EBF2: variants seen among roughly 807,000 people sequenced by gnomAD.
EBF2 encodes the protein transcription factor COE2.
A neutral mutation model predicts 72.8 loss-of-function variants in EBF2; 21 were observed. The ratio of observed to expected loss-of-function variants is 0.29; its 90% CI spans 0.20 to 0.42. The LOEUF (loss-of-function observed/expected upper bound fraction) is 0.42. Among genes scored for constraint, EBF2 ranks in the 10% least tolerant of loss-of-function variants. The pLI is 1.00. For synonymous variants in EBF2, 299 were observed against 274.2 expected, an observed-to-expected ratio of 1.09 and a Z score of -0.89; for missense variants, 637 against 731.2, an observed-to-expected ratio of 0.87 and a Z score of 1.49.
At chr8:25,991,265 C>T (rs559546663) in intron 6 of EBF2, among the ~76,000 whole-genome samples, 2 of 152,128 alleles carry the variant, frequency 1.3e-5, no homozygotes, top group East Asian at 1.9e-4. Flanking sequence ...AATGAAGGCA[C>T]GTAGGTGGGG....
At chr8:25,937,630 CT>C (rs1350444518) in intron 6 of EBF2, among the ~76,000 whole-genome samples, 2 of 152,116 alleles carry the variant, frequency 1.3e-5, no homozygotes, top group Non-Finnish European at 2.9e-5. Flanking sequence ...GCAAACAGAT[CT>C]TCCTATTTGT....
At chr8:26,018,114 T>G (rs967849529) in intron 6 of EBF2, among the ~76,000 whole-genome samples, 4 of 93,654 alleles carry the variant, frequency 4.3e-5, no homozygotes, top group East Asian at 2.1e-4. Context: ...TTGGAAAAGT[T>G]TTTTTTTTTT....
intron 6 of EBF2, among the ~76,000 whole-genome samples, chr8:26,016,717 C>G (rs910018502): frequency 3.9e-5 from 6 of 152,116 alleles, no homozygotes; most frequent in African/African-American, 1.4e-4. Context: ...CTCTTTCCCT[C>G]CCTTCTTTTG....
chr8:25,944,995 A>G (rs1341419057), intron 6 of EBF2, among the ~76,000 whole-genome samples: 3 of 152,174 alleles, frequency 2.0e-5, no homozygotes, highest in South Asian at 2.1e-4. Context: ...CAAAAGTAAA[A>G]CAAAGCAATG....
chr8:25,970,156 C>T (rs2091951923), intron 6 of EBF2, among the ~76,000 whole-genome samples: 1 of 152,196 alleles, frequency 6.6e-6, no homozygotes, highest in South Asian at 2.1e-4. Context: ...CCCAGAGAGG[C>T]AGTTGCAGAG....
rs1048591914 is a variant in EBF2, at chr8:26,044,594, C to G, written c.131+135G>C. 6 of 1,344,130 alleles carry G rather than the reference C, an allele frequency of 4.5e-6. No individual in the cohort carries two copies. Among genetic ancestry groups the G allele is most frequent in the Admixed American group, 2.2e-5 (1 of 44,626 alleles). 83.3% of individuals were successfully genotyped at this position (1,344,130 alleles called of 1,614,324 possible). On this transcript the variant is annotated intron_variant, in intron 1 of 15. Transcript: ENST00000520164. The surrounding 1 kb of genome is among the most constrained non-coding windows in gnomAD (Gnocchi z 4.1). Reference sequence around the variant, plus strand: ...CGATCTGCTTGCCCGAGGGCGAGCCCCAGCGCGCAGGGCCTGGGCGACAGA... The same window carrying G: ...CGATCTGCTTGCCCGAGGGCGAGCCGCAGCGCGCAGGGCCTGGGCGACAGA...
At chr8:26,027,820 G>T (rs1398001159) in intron 6 of EBF2, among the ~76,000 whole-genome samples, 1 of 152,142 alleles carries the variant, frequency 6.6e-6, no homozygotes, top group Non-Finnish European at 1.5e-5. Flanking sequence ...ACAACATGGA[G>T]AGTCCTTGAG....
intron 5 of EBF2, among the ~76,000 whole-genome samples, chr8:26,036,363 G>A (rs1237797039): frequency 6.6e-6 from 1 of 152,084 alleles, no homozygotes; most frequent in Non-Finnish European, 1.5e-5. Flanking sequence ...TTTTCCAACA[G>A]TAACATATTT....
Position 25,850,736 on chromosome 8 carries a change from C to T in EBF2, c.1554G>A (p.Gly518=). 6.4e-7 allele frequency: 1 copy of T among 1,562,000 alleles called. No homozygotes were observed. Among genetic ancestry groups the T allele is most frequent in the Non-Finnish European group, 8.6e-7 (1 of 1,161,746 alleles). The stretch of plus-strand genomic sequence containing the variant: ...GGAGGATGGAGGATGTGCTGGAAGA[C>T]CCAACGGTGGGACTTGATGACATGA... ...YGIMSSSPTV[G]SSSTSSILPF... is the part of the protein sequence containing the mutation. Residue 518 remains glycine (G), a synonymous_variant, in exon 15 of 16, where the codon GGG becomes GGA. Transcript: ENST00000520164.
At chr8:25,992,689 G>T (rs980680960) in intron 6 of EBF2, among the ~76,000 whole-genome samples, 13 of 151,720 alleles carry the variant, frequency 8.6e-5, no homozygotes, top group African/African-American at 2.4e-4. Flanking sequence ...AATTGCTTGA[G>T]CTCAGGAGTT....
At chr8:25,866,484 AATATATAAT>A (rs556969725) in intron 10 of EBF2, among the ~76,000 whole-genome samples, 3,303 of 142,738 alleles carry the variant, frequency 0.023, 130 homozygotes, top group African/African-American at 0.079. Flanking sequence ...ATAATATAAA[AATATATAAT>A]ATATATAATA....
intron 10 of EBF2, 24 bp downstream of exon 10, chr8:25,886,731 T>C: frequency 6.3e-7 from 1 of 1,599,798 alleles, no homozygotes; most frequent in Non-Finnish European, 8.5e-7. Context: ...AGCCAGCCTC[T>C]CTTGGAATCG....
At chr8:26,020,274 T>A (rs1056700470) in intron 6 of EBF2, among the ~76,000 whole-genome samples, 5 of 152,222 alleles carry the variant, frequency 3.3e-5, no homozygotes, top group Non-Finnish European at 7.3e-5. Context: ...AGGAGCTTTA[T>A]GAACAATAAA....
At chr8:25,860,351 A>G (rs559500624) in intron 13 of EBF2, among the ~76,000 whole-genome samples, 35 of 152,348 alleles carry the variant, frequency 2.3e-4, no homozygotes, top group African/African-American at 8.2e-4. Flanking sequence ...ATCATAAATG[A>G]TAATGGCAAT....
intron 6 of EBF2, among the ~76,000 whole-genome samples, chr8:26,025,837 G>C (rs1585232490): frequency 6.6e-6 from 1 of 151,774 alleles, no homozygotes; most frequent in South Asian, 2.1e-4. Context: ...TTTTTATTGA[G>C]AAAATCTAAA....
intron 5 of EBF2, 52 bp downstream of exon 5, chr8:26,039,976 G>A (rs1174408544): frequency 6.9e-6 from 11 of 1,586,794 alleles, no homozygotes; most frequent in Non-Finnish European, 9.5e-6. Flanking sequence ...CCAAGGCGGG[G>A]CTGGAGCACC....
intron 7 of EBF2, among the ~76,000 whole-genome samples, chr8:25,903,422 G>A (rs1260429218): frequency 6.6e-6 from 1 of 152,108 alleles, no homozygotes; most frequent in Non-Finnish European, 1.5e-5. Flanking sequence ...ACAGCCGGGC[G>A]CGGTGGCTCA....
At chr8:25,940,385 T>TGGAA (rs1803649641) in intron 6 of EBF2, among the ~76,000 whole-genome samples, 2 of 152,186 alleles carry the variant, frequency 1.3e-5, no homozygotes, top group African/African-American at 4.8e-5. Flanking sequence ...AGATAGCAAG[T>TGGAA]GGAAGAGTCA....
At chr8:25,973,938 G>T (rs1018170992) in intron 6 of EBF2, among the ~76,000 whole-genome samples, 2 of 152,008 alleles carry the variant, frequency 1.3e-5, no homozygotes, top group Non-Finnish European at 1.5e-5. Flanking sequence ...TCAGCCTCCC[G>T]AAGTGCTGGG....
Sources: gnomAD v4.1 joint callset for allele counts (sites outside exome capture counted in the v4.1 genomes callset) on GRCh38, gnomAD v4.1.1 for gene constraint, Gnocchi (gnomAD v3.1) non-coding constraint, MANE v1.5 for transcripts, NCBI Gene and HGNC (gene_info 2026-07-23, HGNC 2026-07-21) for gene names.